The following HSP90AA1 variants were observed in gnomAD, a reference collection of about 807,000 sequenced individuals.
The protein encoded by HSP90AA1 is heat shock protein 90 alpha family class A member 1, also known as heat shock protein HSP 90-alpha.
Under a neutral mutation model 73.3 loss-of-function variants are expected in HSP90AA1, and 18 were observed. The ratio of observed to expected loss-of-function variants is 0.25; its 90% CI spans 0.17 to 0.36. HSP90AA1 has a LOEUF of 0.36. HSP90AA1 is among the 10% of genes least tolerant of loss of function. The probability of loss-of-function intolerance (pLI) is 1.00; values close to 1 mark genes in which losing one functional copy is unlikely to be tolerated. For missense variants in HSP90AA1, 704 were observed against 874.2 expected (o/e 0.81, Z 2.45); for synonymous variants, 477 against 296.9 (o/e 1.61, Z -6.24).
intron 6 of HSP90AA1, 157 bp from the exon 7 acceptor site, chr14:102,084,140 A>G (rs997396751): frequency 1.2e-5 from 9 of 732,252 alleles, no homozygotes; most frequent in Non-Finnish European, 2.1e-5. Flanking sequence ...CGCAATCTCC[A>G]CTCACTGCAA....
intron 3 of HSP90AA1, 66 bp downstream of exon 3, chr14:102,085,692 G>T (rs538557231): frequency 1.9e-6 from 3 of 1,604,360 alleles, no homozygotes. Context: ...CATCCCCAGG[G>T]GTCCAAGGGT....
In HSP90AA1 at chr14:102,083,594, A is replaced by C; in HGVS notation, c.1438T>G (p.Tyr480Asp). ...TGGTTCTCCTTCATTCTGGTGCAGT[A>C]GTCCTTGAGAGAAACCATCTCATCA... ...SGDEMVSLKD[Y>D]CTRMKENQKH... Residue 480 changes from tyrosine to aspartate, a missense_variant, in exon 8 of 11, where the codon TAC (tyrosine) becomes GAC (aspartate). By Grantham distance (160) the Tyr-to-Asp change is radical. Coordinates refer to ENST00000216281, the MANE Select transcript of HSP90AA1 (RefSeq NM_005348.4). The C allele has an allele frequency of 1.2e-6, 2 of 1,613,758 alleles. No individual in the cohort carries two copies. Among genetic ancestry groups the C allele is most frequent in the South Asian group, 2.2e-5 (2 of 91,078 alleles).
rs182497191 is a variant in HSP90AA1, at chr14:102,122,793, G to A, written c.155+16457C>T. Among the ~76,000 whole-genome samples the A allele has an allele frequency of 4.7e-3, 712 of 151,666 alleles. 4 individuals carry two copies. The highest frequency in any genetic ancestry group is 0.017 in the African/African-American group (684 of 41,332). Reference sequence around the variant, plus strand: ...AGCGATTCTCCTGTTTCAGCCTCCCGAGTAGCTGGGATTACAGGTGCCTGC... The same window carrying A: ...AGCGATTCTCCTGTTTCAGCCTCCCAAGTAGCTGGGATTACAGGTGCCTGC... On this transcript the variant is annotated intron_variant, in intron 1 of 11. Transcript: ENST00000334701.
At chr14:102,110,166 C>A (rs142710044) in intron 1 of HSP90AA1, among the ~76,000 whole-genome samples, 38 of 152,198 alleles carry the variant, frequency 2.5e-4, no homozygotes, top group African/African-American at 8.7e-4. Flanking sequence ...AACTCCTGAC[C>A]TTGTGATCCA....
At chr14:102,090,329 C>T (rs1481016966), upstream of HSP90AA1, among the ~76,000 whole-genome samples, 2 of 152,230 alleles carry the variant, frequency 1.3e-5, no homozygotes, top group Non-Finnish European at 2.9e-5. Context: ...GGTGCCCTCT[C>T]CTTCAGAGTA....
intron 1 of HSP90AA1, among the ~76,000 whole-genome samples, chr14:102,113,741 C>T (rs191402679): frequency 1.2e-3 from 187 of 152,068 alleles, no homozygotes; most frequent in African/African-American, 4.2e-3. Flanking sequence ...GACGGAGTCT[C>T]GCTCTGTCGC....
chr14:102,098,459 CTTTTTTTTTTTTTT>C (rs55683551), intron 2 of HSP90AA1, among the ~76,000 whole-genome samples: 1 of 75,466 alleles, frequency 1.3e-5, no homozygotes, highest in African/African-American at 5.1e-5. Context: ...TGCACCTGGC[CTTTTTTTTTTTTTT>C]TTTTTTTTTG....
At position 102,086,385 on chromosome 14, in the gene HSP90AA1, C is replaced by G. The variant is rs180747051; in HGVS notation, c.1-7G>C. On this transcript the variant is annotated splice_polypyrimidine_tract_variant and splice_region_variant and intron_variant, in intron 1 of 10. Coordinates refer to ENST00000216281, the MANE Select transcript of HSP90AA1 (RefSeq NM_005348.4). ...TCTGGGTTTCCTCAGGCATCTGGAA[C>G]GACACCGCGCCGGTTTAAAACCTTG... is the stretch of plus-strand genomic sequence containing the variant. 1.2e-6 allele frequency: 2 copies of G among 1,614,180 alleles called. No individual in the cohort carries two copies. Among genetic ancestry groups the G allele is most frequent in the Non-Finnish European group, 1.7e-6 (2 of 1,180,016 alleles).
In HSP90AA1 at chr14:102,083,996, T is replaced by A. The variant is rs180917872; in HGVS notation, c.1148-13A>T. On this transcript the variant is annotated splice_polypyrimidine_tract_variant and intron_variant, in intron 6 of 10. Transcript: ENST00000216281. ...CCTCTAATGAAGTCTGAAAAAAATATAAACCAAATGCACTGAGTCATTCCA... is the reference window on the plus strand; with the variant it reads ...CCTCTAATGAAGTCTGAAAAAAATAAAAACCAAATGCACTGAGTCATTCCA... 5 of 1,599,128 alleles carry A rather than the reference T, an allele frequency of 3.1e-6. No individual in the cohort carries two copies. The South Asian group carries it at 5.5e-5, about 18-fold the overall frequency.
At chr14:102,090,372 C>T (rs1195337946), upstream of HSP90AA1, among the ~76,000 whole-genome samples, 1 of 152,178 alleles carries the variant, frequency 6.6e-6, no homozygotes, top group Admixed American at 6.5e-5. Flanking sequence ...TTCCTCTAGC[C>T]CTCCAACCCC....
chr14:102,092,780 A>G (rs1034210155), intron 2 of HSP90AA1, among the ~76,000 whole-genome samples: 1 of 152,062 alleles, frequency 6.6e-6, no homozygotes, highest in Non-Finnish European at 1.5e-5. Flanking sequence ...TTTTTGAGAC[A>G]GGGTCTGTCA....
intron 1 of HSP90AA1, among the ~76,000 whole-genome samples, chr14:102,134,132 C>A (rs1471226933): frequency 2.9e-5 from 4 of 137,976 alleles, no homozygotes; most frequent in African/African-American, 1.1e-4. Context: ...GCCTGGGCAA[C>A]AGAGTGAGAC....
chr14:102,097,703 C>G (rs2049443433), intron 2 of HSP90AA1, among the ~76,000 whole-genome samples: 1 of 152,148 alleles, frequency 6.6e-6, no homozygotes, highest in African/African-American at 2.4e-5. Flanking sequence ...ATGTTCCTGC[C>G]TGGTAGGGGA....
At chr14:102,082,975 G>T (rs1259759164) in intron 9 of HSP90AA1, 59 bp downstream of exon 9, 1 of 1,530,258 alleles carries the variant, frequency 6.5e-7, no homozygotes, top group Non-Finnish European at 9.1e-7. Context: ...GGCTATGTAT[G>T]ACTAAGCTTG....
intron 1 of HSP90AA1, among the ~76,000 whole-genome samples, chr14:102,115,949 G>C (rs528921081): frequency 2.9e-4 from 44 of 151,484 alleles, no homozygotes; most frequent in African/African-American, 8.0e-4. Flanking sequence ...GTTTAAGACC[G>C]AGCATCTTTT....
intron 2 of HSP90AA1, among the ~76,000 whole-genome samples, chr14:102,096,026 C>G (rs2049419599): frequency 6.6e-6 from 1 of 152,192 alleles, no homozygotes; most frequent in Non-Finnish European, 1.5e-5. Flanking sequence ...AGGCCCCCTC[C>G]TGTGCCCATC....
rs1037591687 is a variant in HSP90AA1, at chr14:102,084,541, C to T, written c.1005G>A (p.Leu335=). 1.2e-5 allele frequency: 19 copies of T among 1,614,038 alleles called. No individual in the cohort carries two copies. In the African/African-American group the frequency reaches 2.5e-4, roughly 22 times the overall value. The change falls in exon 6 of 11, where the codon TTG becomes TTA. Residue 335 remains leucine (L), a synonymous_variant. Coordinates refer to ENST00000216281, the MANE Select transcript of HSP90AA1 (RefSeq NM_005348.4). ...GGACAAATAGAAGGGCTCTGAATTC[C>T]AACTGTCCTTCAACTGAAAAATGCT... is the stretch of plus-strand genomic sequence containing the variant. ...AVKHFSVEGQ[L]EFRALLFVPR...
exon 1 of HSP90AA1, chr14:102,139,321 T>C: frequency 1.9e-6 from 3 of 1,613,710 alleles, no homozygotes; most frequent in Non-Finnish European, 2.5e-6. Context: ...CGCGCGGGTA[T>C]TCAGCACTCT....
chr14:102,127,029 T>A (rs1352727678), intron 1 of HSP90AA1, among the ~76,000 whole-genome samples: 1 of 120,512 alleles, frequency 8.3e-6, no homozygotes, highest in African/African-American at 2.8e-5. Context: ...CTTCAGAGAG[T>A]GAGAAGTACT....
Sources: allele counts gnomAD v4.1 joint callset (sites outside exome capture counted in the v4.1 genomes callset), GRCh38; gene constraint gnomAD v4.1.1; transcripts MANE v1.5; gene names NCBI Gene and HGNC (gene_info 2026-07-23, HGNC 2026-07-21).